CYFIP2: variants seen among roughly 807,000 people sequenced by gnomAD.
CYFIP2 encodes the protein cytoplasmic FMR1-interacting protein 2.
Under a neutral mutation model 158.7 loss-of-function variants are expected in CYFIP2, and 29 were observed. The observed-to-expected ratio is 0.18, with a 90% CI of 0.14 to 0.25. CYFIP2 has a LOEUF of 0.25. Ranked by LOEUF, CYFIP2 falls within the 10% of genes least tolerant of loss-of-function variation. CYFIP2 has a pLI of 1.00. For missense variants in CYFIP2, 852 were observed against 1,639.5 expected (o/e 0.52, Z 8.29); for synonymous variants, 585 against 617.6 (o/e 0.95, Z 0.78).
intron 26 of CYFIP2, among the ~76,000 whole-genome samples, chr5:157,375,157 G>A: frequency 6.6e-6 from 1 of 152,224 alleles, no homozygotes; most frequent in East Asian, 1.9e-4. Context: ...CAGTGAGGTT[G>A]ATATTAAAGA....
intron 23 of CYFIP2, among the ~76,000 whole-genome samples, chr5:157,349,694 T>G (rs908938748): frequency 1.3e-5 from 2 of 152,272 alleles, no homozygotes; most frequent in African/African-American, 4.8e-5. Context: ...ATTTCCACAC[T>G]CTTTTCCATT....
intron 17 of CYFIP2, 191 bp from the exon 18 acceptor site, chr5:157,325,980 C>G: frequency 1.7e-6 from 1 of 580,224 alleles, no homozygotes. Context: ...TATTTGCACC[C>G]TGGACTTTTT....
chr5:157,286,716 A>G (rs1757424324), intron 2 of CYFIP2, among the ~76,000 whole-genome samples: 2 of 152,290 alleles, frequency 1.3e-5, no homozygotes, highest in Admixed American at 1.3e-4. Context: ...AATCAAAGCA[A>G]TGCACATCTT....
rs1168698198 is a variant in CYFIP2 at position 157,393,659 on chromosome 5, G to A, written c.*659G>A. The A allele has an allele frequency of 1.3e-5, 2 of 152,184 alleles. No homozygotes were observed. The highest frequency in any genetic ancestry group is 2.9e-5 in the Non-Finnish European group (2 of 68,172). 9.4% of individuals were successfully genotyped at this position (152,184 alleles called of 1,614,324 possible). A position where few individuals can be genotyped will look rare whatever the true frequency, so the allele number is the denominator to read the frequency against. ...CTCTATGCAGGTGGGGTAGGAGACTGATCAGGCCTGCTGTGGGGAAGCAGT... is the reference window on the plus strand; with the variant it reads ...CTCTATGCAGGTGGGGTAGGAGACTAATCAGGCCTGCTGTGGGGAAGCAGT... On this transcript the variant is annotated 3_prime_UTR_variant, in exon 31 of 31. Transcript: ENST00000620254.
intron 1 of CYFIP2, among the ~76,000 whole-genome samples, chr5:157,270,062 C>T (rs1185657249): frequency 6.6e-6 from 1 of 152,184 alleles, no homozygotes; most frequent in Non-Finnish European, 1.5e-5. Context: ...AGGGATCATT[C>T]TGGTTGCGTG....
intron 18 of CYFIP2, among the ~76,000 whole-genome samples, chr5:157,327,045 A>G (rs924197052): frequency 1.3e-5 from 2 of 152,198 alleles, no homozygotes; most frequent in South Asian, 2.1e-4. Flanking sequence ...TTTGACTCTT[A>G]CCTAGCTACT....
intron 24 of CYFIP2, among the ~76,000 whole-genome samples, chr5:157,359,576 C>T (rs868759844): frequency 2.6e-5 from 4 of 152,208 alleles, no homozygotes; most frequent in Admixed American, 6.5e-5. Flanking sequence ...GCTTCTTTCC[C>T]TTGGGATTTC....
At chr5:157,270,393 G>C (rs1755992828) in intron 1 of CYFIP2, among the ~76,000 whole-genome samples, 1 of 152,156 alleles carries the variant, frequency 6.6e-6, no homozygotes, top group Admixed American at 6.5e-5. Context: ...TGCCTATGTG[G>C]GTGGAATAAG....
chr5:157,277,630 C>T (rs1756667953), intron 1 of CYFIP2, among the ~76,000 whole-genome samples: 1 of 152,152 alleles, frequency 6.6e-6, no homozygotes, highest in Non-Finnish European at 1.5e-5. Flanking sequence ...TGGTTCTACT[C>T]CAGAGAGGGC....
chr5:157,377,795 A>G (rs556207191), intron 26 of CYFIP2, among the ~76,000 whole-genome samples: 1 of 152,312 alleles, frequency 6.6e-6, no homozygotes, highest in South Asian at 2.1e-4. Flanking sequence ...TATCATGCCA[A>G]TGAGAAAAAT....
At chr5:157,382,792 A>C (rs1047033878) in intron 27 of CYFIP2, 130 bp downstream of exon 27, 50 of 921,104 alleles carry the variant, frequency 5.4e-5, no homozygotes, top group Non-Finnish European at 7.9e-5. Context: ...TTGAATAGCC[A>C]CAGAATCACA....
At chr5:157,389,562 G>A (rs1318769806) in intron 29 of CYFIP2, 135 bp downstream of exon 29, 6 of 764,188 alleles carry the variant, frequency 7.9e-6, no homozygotes, top group Non-Finnish European at 1.2e-5. Context: ...TGTTGAGTGT[G>A]TTGAGCTGAC....
At chr5:157,383,176 T>C (rs1766301792) in intron 27 of CYFIP2, 89 bp from the exon 28 acceptor site, 2 of 1,124,380 alleles carry the variant, frequency 1.8e-6, no homozygotes, top group Non-Finnish European at 2.6e-6. Flanking sequence ...GGAATGCAGA[T>C]ACATCATCAG....
Position 157,311,316 on chromosome 5 carries a change from A to G in CYFIP2, c.993-348A>G. ...GGTAGGCTGGTTTTGGAGGTTGCCCACCTTGCTTTTTCTGTGCTCAGATTC... is the reference window on the plus strand; with the variant it reads ...GGTAGGCTGGTTTTGGAGGTTGCCCGCCTTGCTTTTTCTGTGCTCAGATTC... On this transcript the variant is annotated intron_variant, in intron 10 of 30. Coordinates refer to ENST00000620254, the MANE Select transcript of CYFIP2 (RefSeq NM_001037333.3). The surrounding 1 kb of genome is among the most constrained non-coding windows in gnomAD (Gnocchi z 4.7). 1 of 380,608 alleles carries G rather than the reference A, an allele frequency of 2.6e-6. No individual in the cohort carries two copies. Among genetic ancestry groups the G allele is most frequent in the Non-Finnish European group, 5.1e-6 (1 of 197,638 alleles). The allele number at this position is 380,608 out of a possible 1,614,324, so 23.6% of individuals were successfully genotyped here. A position where few individuals can be genotyped will look rare whatever the true frequency, so the allele number is the denominator to read the frequency against.
At position 157,294,824 on chromosome 5, in the gene CYFIP2, G is replaced by A. The variant is rs768736910; in HGVS notation, c.249G>A (p.Leu83=). The change falls in exon 4 of 31, where the codon CTG becomes CTA. Residue 83 remains leucine (L), a synonymous_variant. Transcript: ENST00000620254. ...AAGGACATGAGTATGCGGTCATGCT[G>A]TACACCTGGCGCAGCTGTTCCCGGG... The part of the protein sequence containing the change: ...LEEGHEYAVM[L]YTWRSCSRAI... 30 of 1,613,710 alleles carry A rather than the reference G, an allele frequency of 1.9e-5. No homozygotes were observed. Among genetic ancestry groups the A allele is most frequent in the Non-Finnish European group, 2.5e-5 (30 of 1,179,774 alleles).
intron 4 of CYFIP2, 51 bp downstream of exon 4, chr5:157,294,911 A>T (rs1758130407): frequency 6.8e-7 from 1 of 1,463,956 alleles, no homozygotes; most frequent in Non-Finnish European, 9.5e-7. Flanking sequence ...GGCATTACTA[A>T]CCCCTACTTC....
chr5:157,314,195 T>C lies in CYFIP2; in HGVS notation c.1111-149T>C, dbSNP rs1759955979. On this transcript the variant is annotated intron_variant, in intron 11 of 30. Coordinates refer to ENST00000620254, the MANE Select transcript of CYFIP2 (RefSeq NM_001037333.3). ...TCAGTGATTTATAAACCATGTGGCC[T>C]TCAGCAAGGCACTTGTCTGAGCCTC... 4.0e-6 allele frequency: 4 copies of C among 1,006,094 alleles called. No individual in the cohort carries two copies. The South Asian group carries it at 9.1e-5, about 23-fold the overall frequency. 62.3% of individuals were successfully genotyped at this position (1,006,094 alleles called of 1,614,324 possible).
intron 1 of CYFIP2, among the ~76,000 whole-genome samples, chr5:157,283,861 T>C (rs1561688421): frequency 6.6e-6 from 1 of 151,992 alleles, no homozygotes; most frequent in East Asian, 1.9e-4. Flanking sequence ...ATGGTCCTTT[T>C]CCCCCCTAAT....
chr5:157,351,310 C>G (rs1022705644), intron 23 of CYFIP2, among the ~76,000 whole-genome samples: 3 of 152,194 alleles, frequency 2.0e-5, no homozygotes, highest in African/African-American at 7.2e-5. Context: ...TAGCTTCATC[C>G]AGAGGCTATA....
Sources: allele counts gnomAD v4.1 joint callset (sites outside exome capture counted in the v4.1 genomes callset), GRCh38; gene constraint gnomAD v4.1.1; non-coding constraint Gnocchi (gnomAD v3.1); transcripts MANE v1.5; gene names NCBI Gene and HGNC (gene_info 2026-07-23, HGNC 2026-07-21).